The following PCDHGA6 variants were observed in gnomAD, a reference collection of about 807,000 sequenced individuals.
The protein encoded by PCDHGA6 is protocadherin gamma subfamily A, 6, also known as protocadherin gamma-A6.
Under a neutral mutation model 60.6 loss-of-function variants are expected in PCDHGA6, and 41 were observed. The observed-to-expected ratio is 0.68, with a 90% CI of 0.53 to 0.88. PCDHGA6 has a LOEUF of 0.88. PCDHGA6 is among the 40% of genes least tolerant of loss of function. PCDHGA6 has a pLI of 0.00. For missense variants in PCDHGA6, 1,312 were observed against 1,203.0 expected (o/e 1.09, Z -1.34); for synonymous variants, 594 against 524.4 (o/e 1.13, Z -1.81).
chr5:141,493,021 G>C lies in PCDHGA6; in HGVS notation c.2425-1786G>C, dbSNP rs1261539371. On this transcript the variant is annotated intron_variant, in intron 1 of 3. Transcript: ENST00000517434. This position sits in a 1 kb window ranked among gnomAD's most constrained non-coding sequence, Gnocchi z 4.3. ...AGCTATAGGCTCTGCCAGATGCCAG[G>C]GTGCCCTTATGTGTGAGGAAACTAC... Among the ~76,000 whole-genome samples, 1 of 152,180 alleles carries C rather than the reference G, an allele frequency of 6.6e-6. No individual in the cohort carries two copies. The highest frequency in any genetic ancestry group is 6.5e-5 in the Admixed American group (1 of 15,284).
In PCDHGA6 at chr5:141,409,379, A is replaced by G. The variant is rs376174246; in HGVS notation, c.2424+32872A>G. On this transcript the variant is annotated intron_variant, in intron 1 of 3. Transcript: ENST00000517434. ...TAATATAGAAACAGACATTCCATTC[A>G]AGATTTATTCTTCTTCCAATAACTA... is the stretch of plus-strand genomic sequence containing the variant. The G allele has an allele frequency of 1.5e-5, 25 of 1,613,926 alleles. No homozygotes were observed. The highest frequency in any genetic ancestry group is 2.0e-5 in the Non-Finnish European group (24 of 1,179,908).
At chr5:141,464,096 C>T (rs2099075769) in intron 1 of PCDHGA6, among the ~76,000 whole-genome samples, 1 of 152,016 alleles carries the variant, frequency 6.6e-6, no homozygotes, top group African/African-American at 2.4e-5. Context: ...GAAACTCCGT[C>T]TCTACTAAAA....
intron 1 of PCDHGA6, among the ~76,000 whole-genome samples, chr5:141,434,054 C>T (rs1241950753): frequency 6.6e-6 from 1 of 152,094 alleles, no homozygotes; most frequent in Non-Finnish European, 1.5e-5. Flanking sequence ...ATTCAATGGC[C>T]TGTAATCTGT....
intron 2 of PCDHGA6, among the ~76,000 whole-genome samples, chr5:141,497,721 G>A (rs2099778948): frequency 6.6e-6 from 1 of 152,006 alleles, no homozygotes; most frequent in African/African-American, 2.4e-5. Flanking sequence ...TGTATTTTTA[G>A]TAGAGATGGG....
At chr5:141,414,883 G>A (rs572616023) in intron 1 of PCDHGA6, 1 of 1,614,176 alleles carries the variant, frequency 6.2e-7, no homozygotes, top group South Asian at 1.1e-5. Context: ...CCTGTACCCC[G>A]CCCTCCCCAC....
intron 1 of PCDHGA6, chr5:141,403,093 C>T (rs1368239890): frequency 6.2e-7 from 1 of 1,614,072 alleles, no homozygotes; most frequent in Non-Finnish European, 8.5e-7. Flanking sequence ...TTGTGGGCAA[C>T]ATCTCCAAGG....
intron 1 of PCDHGA6, among the ~76,000 whole-genome samples, chr5:141,448,451 C>T (rs1261733103): frequency 6.6e-6 from 1 of 152,032 alleles, no homozygotes; most frequent in Admixed American, 6.6e-5. Context: ...GACTTCCATC[C>T]CTATCCTACT....
chr5:141,408,796 A>G (rs2154540634), intron 1 of PCDHGA6: 1 of 1,612,808 alleles, frequency 6.2e-7, no homozygotes, highest in Non-Finnish European at 8.5e-7. Context: ...CTCTGGAGAA[A>G]CTCCTAGACC....
chr5:141,420,205 C>T (rs776838072), intron 1 of PCDHGA6: 14 of 1,612,942 alleles, frequency 8.7e-6, no homozygotes, highest in African/African-American at 1.3e-5. Context: ...ATAACCTCAA[C>T]AAAGATAGCA....
intron 1 of PCDHGA6, chr5:141,408,042 C>T (rs2095031452): frequency 1.7e-6 from 2 of 1,204,046 alleles, no homozygotes; most frequent in Non-Finnish European, 2.2e-6. Flanking sequence ...AACCAGCTCC[C>T]ACACAGAGCC....
Position 141,490,924 on chromosome 5 carries a change from C to G in PCDHGA6, c.2425-3883C>G, listed in dbSNP as rs1469202824. The G allele has an allele frequency of 1.9e-6, 3 of 1,613,562 alleles. No individual in the cohort carries two copies. The highest frequency in any genetic ancestry group is 2.5e-6 in the Non-Finnish European group (3 of 1,179,702). ...TGTCCTAGACGAGAATGATAATGCC[C>G]CAGCTGTGCTGCACCCACGGCCAGA... On this transcript the variant is annotated intron_variant, in intron 1 of 3. Transcript: ENST00000517434. The surrounding 1 kb of genome is among the most constrained non-coding windows in gnomAD (Gnocchi z 5.4).
intron 1 of PCDHGA6, chr5:141,430,868 G>A (rs1414256124): frequency 6.3e-7 from 1 of 1,597,104 alleles, no homozygotes; most frequent in Admixed American, 1.8e-5. Context: ...TTCAGTTCCG[G>A]AAGAGCTGGA....
intron 1 of PCDHGA6, chr5:141,396,749 A>G (rs944470602): frequency 1.3e-5 from 2 of 152,368 alleles, no homozygotes; most frequent in African/African-American, 4.8e-5. Flanking sequence ...GTAGAAGTAG[A>G]TGACCCAATA....
chr5:141,440,077 C>T (rs983267885), intron 1 of PCDHGA6: 1 of 152,424 alleles, frequency 6.6e-6, no homozygotes, highest in Non-Finnish European at 1.5e-5. Flanking sequence ...AGGAATAATA[C>T]TTCATTCTAA....
chr5:141,505,628 A>C, intron 3 of PCDHGA6, 147 bp downstream of exon 3: 1 of 1,481,752 alleles, frequency 6.7e-7, no homozygotes, highest in Non-Finnish European at 9.0e-7. Flanking sequence ...ACAATTCCAA[A>C]CATAAAGCCT....
intron 3 of PCDHGA6, among the ~76,000 whole-genome samples, chr5:141,506,484 C>T (rs1489425559): frequency 6.6e-6 from 1 of 150,566 alleles, no homozygotes; most frequent in Non-Finnish European, 1.5e-5. Context: ...GCTTTAGAGG[C>T]AGGCCAATCT....
intron 1 of PCDHGA6, chr5:141,419,384 G>T (rs1383174444): frequency 1.2e-6 from 2 of 1,613,554 alleles, no homozygotes; most frequent in East Asian, 2.2e-5. Flanking sequence ...GTCCGTGAGC[G>T]CGCAGAGCGG....
chr5:141,438,597 T>C (rs1343540280), intron 1 of PCDHGA6, among the ~76,000 whole-genome samples: 20 of 38,918 alleles, frequency 5.1e-4, no homozygotes, highest in African/African-American at 1.6e-3. Flanking sequence ...CATACATATA[T>C]ATATATATAT....
At chr5:141,470,034 C>T (rs1209263598) in intron 1 of PCDHGA6, among the ~76,000 whole-genome samples, 2 of 152,086 alleles carry the variant, frequency 1.3e-5, no homozygotes, top group Non-Finnish European at 2.9e-5. Flanking sequence ...GATGCTGAGG[C>T]GCGAGAACTG....
Sources: gnomAD v4.1 joint callset for allele counts (sites outside exome capture counted in the v4.1 genomes callset) on GRCh38, gnomAD v4.1.1 for gene constraint, Gnocchi (gnomAD v3.1) non-coding constraint, MANE v1.5 for transcripts, NCBI Gene and HGNC (gene_info 2026-07-23, HGNC 2026-07-21) for gene names.